The following PRUNE2 variants were observed in gnomAD, a reference collection of about 807,000 sequenced individuals.
PRUNE2 encodes the protein protein prune homolog 2.
Under a neutral mutation model 252.0 loss-of-function variants are expected in PRUNE2, and 164 were observed. The ratio of observed to expected loss-of-function variants is 0.65; its 90% CI spans 0.57 to 0.74. PRUNE2 has a LOEUF of 0.74. PRUNE2 is among the 30% of genes least tolerant of loss of function. The pLI is 0.00. For synonymous variants in PRUNE2, 1,292 were observed against 1,350.2 expected, an observed-to-expected ratio of 0.96 and a Z score of 0.94; for missense variants, 3,495 against 3,711.0, an observed-to-expected ratio of 0.94 and a Z score of 1.51.
chr9:76,771,109 A>G (rs974141861), intron 6 of PRUNE2, among the ~76,000 whole-genome samples: 2 of 152,162 alleles, frequency 1.3e-5, no homozygotes, highest in African/African-American at 4.8e-5. Context: ...CGCCACAGAA[A>G]TGATTCTAAA....
At chr9:76,879,990 T>C (rs2061687467) in intron 1 of PRUNE2, among the ~76,000 whole-genome samples, 2 of 137,102 alleles carry the variant, frequency 1.5e-5, no homozygotes, top group African/African-American at 2.7e-5. Context: ...CTCGACTCAC[T>C]GCAAGCTCCG....
At position 76,772,528 on chromosome 9, in the gene PRUNE2, G is replaced by C. The variant is rs921261214; in HGVS notation, c.756+51104C>G. On this transcript the variant is annotated intron_variant, in intron 6 of 18. Coordinates refer to ENST00000376718, the MANE Select transcript of PRUNE2 (RefSeq NM_015225.3). ...AGTTTTGCAAAAGTCTCCTCCCATG[G>C]ACAAGGTTAACTGCAACTTGTGAAC... 2.6e-5 allele frequency among the ~76,000 whole-genome samples: 4 copies of C among 152,110 alleles called. No homozygotes were observed. The East Asian group carries it at 7.7e-4, about 29-fold the overall frequency.
At chr9:76,827,214 C>T (rs1053000701) in intron 4 of PRUNE2, among the ~76,000 whole-genome samples, 6 of 152,160 alleles carry the variant, frequency 3.9e-5, no homozygotes, top group South Asian at 2.1e-4. Flanking sequence ...TATAATCCCA[C>T]GGTCAACAGC....
chr9:76,840,345 A>G (rs1387935483), intron 4 of PRUNE2, among the ~76,000 whole-genome samples: 1 of 152,174 alleles, frequency 6.6e-6, no homozygotes, highest in African/African-American at 2.4e-5. Flanking sequence ...CTTCTCCAAG[A>G]ACCAAAGGAA....
intron 6 of PRUNE2, among the ~76,000 whole-genome samples, chr9:76,790,032 G>A (rs1398917920): frequency 6.6e-6 from 1 of 152,140 alleles, no homozygotes; most frequent in Non-Finnish European, 1.5e-5. Context: ...GCCTTGGGAA[G>A]TTGCAACATG....
intron 4 of PRUNE2, among the ~76,000 whole-genome samples, chr9:76,831,248 CA>C (rs2058660347): frequency 6.6e-6 from 1 of 151,134 alleles, no homozygotes; most frequent in Non-Finnish European, 1.5e-5. Flanking sequence ...TAAAAGAAGG[CA>C]AAATAAAGGC....
At chr9:76,838,885 C>A (rs2059222048) in intron 4 of PRUNE2, among the ~76,000 whole-genome samples, 1 of 152,080 alleles carries the variant, frequency 6.6e-6, no homozygotes, top group African/African-American at 2.4e-5. Context: ...ATTCCTTGAA[C>A]TGTTTACATG....
chr9:76,657,843 C>T lies in PRUNE2; in HGVS notation c.8277-2341G>A, dbSNP rs570615416. Among the ~76,000 whole-genome samples the T allele has an allele frequency of 7.2e-5, 11 of 152,316 alleles. No individual in the cohort carries two copies. In the South Asian group the frequency reaches 2.3e-3, roughly 32 times the overall value. On this transcript the variant is annotated intron_variant, in intron 9 of 18. Transcript: ENST00000376718. ...GTCCAGGTAAAAGATAATCTTATTA[C>T]TGCACAAATCTCCACAGAGCCTAGA...
At chr9:76,879,047 G>A (rs1003347449) in intron 1 of PRUNE2, among the ~76,000 whole-genome samples, 1 of 152,134 alleles carries the variant, frequency 6.6e-6, no homozygotes, top group South Asian at 2.1e-4. Flanking sequence ...GAGTCAGGAA[G>A]CCTGTGCATA....
rs764771986 is a variant in PRUNE2, at chr9:76,850,596, C to T, written c.211G>A (p.Glu71Lys). 12 of 1,614,046 alleles carry T rather than the reference C, an allele frequency of 7.4e-6. No individual in the cohort carries two copies. The highest frequency in any genetic ancestry group is 1.7e-5 in the Admixed American group (1 of 60,022). ...AGCTCTTCTAAAATAAACCTCGTCTCGGTGAAGTAGTTGAATTCAGTTCTT... is the reference window on the plus strand; with the variant it reads ...AGCTCTTCTAAAATAAACCTCGTCTTGGTGAAGTAGTTGAATTCAGTTCTT... The part of the protein sequence containing the change: ...IPRTEFNYFT[E>K]TRFILEELNI... Residue 71 changes from glutamate to lysine, a missense_variant, in exon 3 of 19, where the codon GAG becomes AAG. Coordinates refer to ENST00000376718, the MANE Select transcript of PRUNE2 (RefSeq NM_015225.3).
At chr9:76,624,726 A>G (rs1034156654) in intron 16 of PRUNE2, among the ~76,000 whole-genome samples, 5 of 152,220 alleles carry the variant, frequency 3.3e-5, no homozygotes, top group Non-Finnish European at 7.4e-5. Context: ...CATAAGTTGC[A>G]AAGGGATCAG....
Position 76,710,138 on chromosome 9 carries a change from C to T in PRUNE2, c.2136G>A (p.Lys712=). The change falls in exon 8 of 19, where the codon AAG becomes AAA. Residue 712 remains lysine (K), a synonymous_variant. Transcript: ENST00000376718. ...CAAATTCAGACTCCCAGGGACCTGA[C>T]TTTGTAAATTCGAGGCTCTTTGGTT... ...VFQPKSLEFT[K]SGPWESEFGQ... is the part of the protein sequence containing the mutation. 1.2e-6 allele frequency: 2 copies of T among 1,613,918 alleles called. No homozygotes were observed. Among genetic ancestry groups the T allele is most frequent in the East Asian group, 2.2e-5 (1 of 44,878 alleles).
intron 1 of PRUNE2, among the ~76,000 whole-genome samples, chr9:76,872,697 A>T (rs2061286534): frequency 1.3e-5 from 2 of 152,042 alleles, no homozygotes; most frequent in Admixed American, 1.3e-4. Flanking sequence ...AAAAACTTAC[A>T]GGTAAAATGA....
chr9:76,877,172 G>A (rs982339370), intron 1 of PRUNE2, among the ~76,000 whole-genome samples: 1 of 151,790 alleles, frequency 6.6e-6, no homozygotes, highest in African/African-American at 2.4e-5. Context: ...CCAGGAAGAT[G>A]TGCATTTTAA....
chr9:76,805,531 G>A (rs1051458989), intron 6 of PRUNE2, among the ~76,000 whole-genome samples: 1 of 152,116 alleles, frequency 6.6e-6, no homozygotes. Flanking sequence ...GGAGGTCAAG[G>A]CTGCAGTGCG....
At chr9:76,817,383 G>C (rs899227393) in intron 6 of PRUNE2, among the ~76,000 whole-genome samples, 2 of 152,184 alleles carry the variant, frequency 1.3e-5, no homozygotes, top group Non-Finnish European at 2.9e-5. Context: ...GATTATGGCA[G>C]ACACTGGCTA....
chr9:76,903,404 CT>C (rs1478867231), intron 1 of PRUNE2, among the ~76,000 whole-genome samples: 8 of 151,584 alleles, frequency 5.3e-5, no homozygotes, highest in Middle Eastern at 3.4e-3. Context: ...AGTAATTAGG[CT>C]TTTTTGTTTG....
intron 16 of PRUNE2, among the ~76,000 whole-genome samples, 192 bp downstream of exon 16, chr9:76,629,000 C>A (rs537398428): frequency 3.3e-5 from 5 of 152,050 alleles, no homozygotes; most frequent in African/African-American, 1.2e-4. Flanking sequence ...AATGCCATCA[C>A]GCCTGGCTAA....
intron 1 of PRUNE2, among the ~76,000 whole-genome samples, chr9:76,878,062 G>A (rs964223904): frequency 6.6e-6 from 1 of 152,170 alleles, no homozygotes; most frequent in Non-Finnish European, 1.5e-5. Flanking sequence ...AGGTCCTGCT[G>A]ATTTCTCAGA....
Sources: allele counts gnomAD v4.1 joint callset (sites outside exome capture counted in the v4.1 genomes callset), GRCh38; gene constraint gnomAD v4.1.1; transcripts MANE v1.5; gene names NCBI Gene and HGNC (gene_info 2026-07-23, HGNC 2026-07-21).